The following PARD3B variants were observed in gnomAD, a reference collection of about 807,000 sequenced individuals.
The protein encoded by PARD3B is partitioning defective 3 homolog B.
PARD3B carries 103 observed loss-of-function variants against 130.2 expected under a neutral mutation model. The observed-to-expected ratio is 0.79, with a 90% CI of 0.67 to 0.93. The LOEUF (loss-of-function observed/expected upper bound fraction) is 0.93. PARD3B is among the 40% of genes least tolerant of loss of function. The pLI is 0.00. For missense variants in PARD3B, 1,609 were observed against 1,499.2 expected, an observed-to-expected ratio of 1.07 and a Z score of -1.21; for synonymous variants, 583 against 553.2, an observed-to-expected ratio of 1.05 and a Z score of -0.76.
intron 2 of PARD3B, among the ~76,000 whole-genome samples, chr2:204,694,953 T>C (rs1284522000): frequency 6.6e-6 from 1 of 152,098 alleles, no homozygotes; most frequent in Non-Finnish European, 1.5e-5. Context: ...TATGGTATTA[T>C]TAATTTAGCT....
intron 19 of PARD3B, among the ~76,000 whole-genome samples, chr2:205,438,903 T>C (rs995574192): frequency 2.0e-5 from 3 of 152,204 alleles, no homozygotes; most frequent in Non-Finnish European, 2.9e-5. Context: ...GGATAGGTGC[T>C]GGGGTTTTGT....
At chr2:205,399,078 G>A (rs754634672) in intron 18 of PARD3B, among the ~76,000 whole-genome samples, 7 of 152,024 alleles carry the variant, frequency 4.6e-5, no homozygotes, top group Non-Finnish European at 1.0e-4. Flanking sequence ...AGACCAGCCT[G>A]GCCAACATGG....
intron 15 of PARD3B, among the ~76,000 whole-genome samples, chr2:205,221,749 TCC>T (rs2038249772): frequency 6.6e-6 from 1 of 152,166 alleles, no homozygotes; most frequent in Admixed American, 6.5e-5. Flanking sequence ...TCTGTCTGTC[TCC>T]GTCTCTGTCT....
chr2:205,322,480 A>G (rs4675514), intron 18 of PARD3B, among the ~76,000 whole-genome samples: 30,315 of 152,106 alleles, frequency 0.2, 3,898 homozygotes, highest in Admixed American at 0.35. Flanking sequence ...TTCCCTGAAC[A>G]TTCACGCCAG....
intron 2 of PARD3B, among the ~76,000 whole-genome samples, chr2:204,742,561 T>C (rs2040053522): frequency 6.6e-6 from 1 of 152,172 alleles, no homozygotes; most frequent in South Asian, 2.1e-4. Flanking sequence ...TTGCTCTGTC[T>C]ATATGGTTTT....
chr2:205,300,473 C>A lies in PARD3B; in HGVS notation c.2186-57C>A. ...GACAGAAATATTCTTAGAACAATAGCATTACACCACACTGCCCCATTAGAA... is the reference window on the plus strand; with the variant it reads ...GACAGAAATATTCTTAGAACAATAGAATTACACCACACTGCCCCATTAGAA... On this transcript the variant is annotated intron_variant, in intron 16 of 22. Coordinates refer to ENST00000406610, the MANE Select transcript of PARD3B (RefSeq NM_001302769.2). The surrounding 1 kb of genome is among the most constrained non-coding windows in gnomAD (Gnocchi z 4.1). 1 of 1,437,778 alleles carries A rather than the reference C, an allele frequency of 7.0e-7. No individual in the cohort carries two copies. Among genetic ancestry groups the A allele is most frequent in the Non-Finnish European group, 9.8e-7 (1 of 1,023,754 alleles). 89.1% of individuals were successfully genotyped at this position (1,437,778 alleles called of 1,614,324 possible).
chr2:204,738,297 A>G (rs910189643), intron 2 of PARD3B, among the ~76,000 whole-genome samples: 2 of 151,664 alleles, frequency 1.3e-5, no homozygotes, highest in South Asian at 2.1e-4. Context: ...CCCGCATTAC[A>G]TATGTTCTTA....
chr2:204,745,973 AT>A (rs1441091570), intron 2 of PARD3B, among the ~76,000 whole-genome samples: 5 of 145,424 alleles, frequency 3.4e-5, no homozygotes, highest in African/African-American at 5.0e-5. Flanking sequence ...ATATAGCAGG[AT>A]TTTTTTTCTT....
At chr2:204,715,596 G>A (rs1366711921) in intron 2 of PARD3B, among the ~76,000 whole-genome samples, 1 of 150,776 alleles carries the variant, frequency 6.6e-6, no homozygotes, top group Non-Finnish European at 1.5e-5. Context: ...CCAAACTTAT[G>A]TGTAAAACAT....
intron 3 of PARD3B, among the ~76,000 whole-genome samples, chr2:205,027,469 T>G (rs1382445344): frequency 6.6e-6 from 1 of 152,192 alleles, no homozygotes; most frequent in Non-Finnish European, 1.5e-5. Flanking sequence ...TAATCCCTCA[T>G]CAAATATACA....
At chr2:204,961,150 G>A (rs1327699957) in intron 2 of PARD3B, among the ~76,000 whole-genome samples, 1 of 152,206 alleles carries the variant, frequency 6.6e-6, no homozygotes, top group Non-Finnish European at 1.5e-5. Context: ...TTCAAGTGAG[G>A]TGGGAAAGTA....
intron 1 of PARD3B, among the ~76,000 whole-genome samples, chr2:204,601,905 T>C (rs186061515): frequency 7.9e-5 from 12 of 152,054 alleles, no homozygotes; most frequent in Admixed American, 3.9e-4. Context: ...ATGAAGTTGA[T>C]ATAAGCTGTT....
At chr2:205,477,946 G>C (rs1221351542) in intron 20 of PARD3B, among the ~76,000 whole-genome samples, 1 of 152,228 alleles carries the variant, frequency 6.6e-6, no homozygotes, top group African/African-American at 2.4e-5. Context: ...GGTGATGGGT[G>C]ATTGGTCTTT....
chr2:204,731,862 C>T (rs369815209), intron 2 of PARD3B, among the ~76,000 whole-genome samples: 29 of 152,214 alleles, frequency 1.9e-4, no homozygotes, highest in African/African-American at 6.7e-4. Flanking sequence ...GTTGTATTCA[C>T]CTCTACTAAT....
At chr2:205,334,601 C>T (rs1387432024) in intron 18 of PARD3B, among the ~76,000 whole-genome samples, 2 of 152,188 alleles carry the variant, frequency 1.3e-5, no homozygotes, top group East Asian at 3.8e-4. Flanking sequence ...CAGACAGTTT[C>T]TTAGTTAGAA....
chr2:205,054,620 G>A (rs531991023), intron 4 of PARD3B, among the ~76,000 whole-genome samples: 102 of 150,642 alleles, frequency 6.8e-4, no homozygotes, highest in African/African-American at 2.5e-3. Flanking sequence ...AACAGGCCCC[G>A]GTGTGTGGTG....
intron 3 of PARD3B, among the ~76,000 whole-genome samples, chr2:204,987,086 A>G (rs544867834): frequency 3.3e-5 from 5 of 152,314 alleles, no homozygotes; most frequent in African/African-American, 9.6e-5. Flanking sequence ...CTCATGTACT[A>G]TAAGAGTTAA....
In PARD3B at chr2:205,279,082, A is replaced by AC. The variant is rs1187401653; in HGVS notation, c.2186-21448_2186-21447insC. On this transcript the variant is annotated intron_variant, in intron 16 of 22. Coordinates refer to ENST00000406610, the MANE Select transcript of PARD3B (RefSeq NM_001302769.2). ...CAAGAATCTGTCTCAAAAAAAAAAA[A>AC]AAAAAAAAAAAAAACAGTTGTTCAT... Among the ~76,000 whole-genome samples, 675 of 150,236 alleles carry AC rather than the reference A, an allele frequency of 4.5e-3. 6 individuals are homozygous for AC. Among genetic ancestry groups the AC allele is most frequent in the Non-Finnish European group, 7.5e-3 (506 of 67,482 alleles).
chr2:204,794,818 C>T (rs944079493), intron 2 of PARD3B, among the ~76,000 whole-genome samples: 1 of 152,176 alleles, frequency 6.6e-6, no homozygotes, highest in African/African-American at 2.4e-5. Flanking sequence ...AAATATATTG[C>T]GACACTGAGT....
Sources: allele counts gnomAD v4.1 joint callset (sites outside exome capture counted in the v4.1 genomes callset), GRCh38; gene constraint gnomAD v4.1.1; non-coding constraint Gnocchi (gnomAD v3.1); transcripts MANE v1.5; gene names NCBI Gene and HGNC (gene_info 2026-07-23, HGNC 2026-07-21).